The following INPP5F variants were observed in gnomAD, a reference collection of about 807,000 sequenced individuals.
INPP5F encodes the protein inositol polyphosphate-5-phosphatase F, also known as phosphatidylinositide 4-phosphatase SAC2.
Under a neutral mutation model 137.2 loss-of-function variants are expected in INPP5F, and 97 were observed. That is an observed-to-expected ratio of 0.71 (90% CI 0.60 to 0.84). The LOEUF (loss-of-function observed/expected upper bound fraction) is 0.84. Among genes scored for constraint, INPP5F ranks in the 40% least tolerant of loss-of-function variants. The pLI is 0.00. For missense variants in INPP5F, 1,271 were observed against 1,371.9 expected, an observed-to-expected ratio of 0.93 and a Z score of 1.16; for synonymous variants, 504 against 476.9, an observed-to-expected ratio of 1.06 and a Z score of -0.74.
At chr10:119,817,206 A>G (rs1230249080) in intron 15 of INPP5F, among the ~76,000 whole-genome samples, 1 of 152,234 alleles carries the variant, frequency 6.6e-6, no homozygotes, top group Non-Finnish European at 1.5e-5. Flanking sequence ...GTATTTCATT[A>G]TAGACCACAT....
intron 2 of INPP5F, among the ~76,000 whole-genome samples, chr10:119,780,861 G>T (rs1849676691): frequency 6.6e-6 from 1 of 152,148 alleles, no homozygotes; most frequent in Non-Finnish European, 1.5e-5. Flanking sequence ...GATGTGCATA[G>T]GTTATATACA....
At chr10:119,797,894 C>G (rs917223555) in intron 8 of INPP5F, among the ~76,000 whole-genome samples, 1 of 152,140 alleles carries the variant, frequency 6.6e-6, no homozygotes, top group African/African-American at 2.4e-5. Context: ...AAATTGCTAT[C>G]GCTTTGAAGA....
Position 119,726,292 on chromosome 10 carries a change from C to T in INPP5F, c.30C>T (p.Tyr10=). 1 of 1,492,350 alleles carries T rather than the reference C, an allele frequency of 6.7e-7. No individual in the cohort carries two copies. The highest frequency in any genetic ancestry group is 8.9e-7 in the Non-Finnish European group (1 of 1,120,522). 92.4% of individuals were successfully genotyped at this position (1,492,350 alleles called of 1,614,324 possible). Residue 10 remains tyrosine, a synonymous_variant, in exon 1 of 20, where the codon TAC becomes TAT. Transcript: ENST00000650623. The part of the protein sequence containing the change: MELFQAKDH[Y]ILQQGERALW... ...AGCTCTTCCAAGCCAAGGACCACTA[C>T]ATCCTGCAGCAGGGCGAGCGCGCGC...
rs921016206 is a variant in INPP5F, at chr10:119,823,974, G to A, written c.2249+72G>A. The A allele has an allele frequency of 3.5e-5, 39 of 1,130,384 alleles. No individual in the cohort carries two copies. In the Admixed American group the frequency reaches 7.2e-4, roughly 21 times the overall value. The allele number at this position is 1,130,384 out of a possible 1,614,324, so 70.0% of individuals were successfully genotyped here. A position where few individuals can be genotyped will look rare whatever the true frequency, so the allele number is the denominator to read the frequency against. On this transcript the variant is annotated intron_variant, in intron 19 of 19. Coordinates refer to ENST00000650623, the MANE Select transcript of INPP5F (RefSeq NM_014937.4). The stretch of plus-strand genomic sequence containing the variant: ...TCTTATTTGTTTAAAATTATTTGCA[G>A]GGGGAAAGGGGAGGAGATCACATTA...
intron 2 of INPP5F, among the ~76,000 whole-genome samples, chr10:119,757,043 G>T (rs1275093610): frequency 6.6e-6 from 1 of 151,312 alleles, no homozygotes; most frequent in Non-Finnish European, 1.5e-5. Context: ...TCTGACTTTG[G>T]TTTGACCAGT....
Position 119,748,882 on chromosome 10 carries a change from G to A in INPP5F, c.98-2194G>A, listed in dbSNP as rs1848614403. The stretch of plus-strand genomic sequence containing the variant: ...CCTGTGATCTGCCCCTTTCTGGACA[G>A]GAACCTGTGTCTGTCTCCCTCCACT... On this transcript the variant is annotated intron_variant, in intron 1 of 19. Coordinates refer to ENST00000650623, the MANE Select transcript of INPP5F (RefSeq NM_014937.4). The surrounding 1 kb of genome is among the most constrained non-coding windows in gnomAD (Gnocchi z 4.7). Among the ~76,000 whole-genome samples, 1 of 152,188 alleles carries A rather than the reference G, an allele frequency of 6.6e-6. No homozygotes were observed. Among genetic ancestry groups the A allele is most frequent in the Non-Finnish European group, 1.5e-5 (1 of 68,022 alleles).
At chr10:119,811,080 G>A (rs192635872) in intron 14 of INPP5F, among the ~76,000 whole-genome samples, 2 of 152,260 alleles carry the variant, frequency 1.3e-5, no homozygotes, top group Admixed American at 6.5e-5. Context: ...ACTTCCATTC[G>A]TTGACCTAGC....
intron 2 of INPP5F, among the ~76,000 whole-genome samples, chr10:119,764,495 C>T (rs774542616): frequency 2.6e-4 from 40 of 152,124 alleles, no homozygotes; most frequent in Non-Finnish European, 5.3e-4. Context: ...CCTCAGCTTA[C>T]TTAACATGAA....
chr10:119,746,060 A>C lies in INPP5F; in HGVS notation c.98-5016A>C, dbSNP rs190479534. Among the ~76,000 whole-genome samples, 72 of 152,188 alleles carry C rather than the reference A, an allele frequency of 4.7e-4. 1 individual carries two copies. The highest frequency in any genetic ancestry group is 1.7e-3 in the African/African-American group (69 of 41,492). ...GTTGGCCTTAGTTTACTTTTCTAGC[A>C]TTATCAATTCATATCTCCAGTGTAC... On this transcript the variant is annotated intron_variant, in intron 1 of 19. Coordinates refer to ENST00000650623, the MANE Select transcript of INPP5F (RefSeq NM_014937.4).
At chr10:119,800,508 C>T (rs1311309833) in intron 9 of INPP5F, among the ~76,000 whole-genome samples, 1 of 147,362 alleles carries the variant, frequency 6.8e-6, no homozygotes, top group African/African-American at 2.5e-5. Flanking sequence ...TGCAGTAAGC[C>T]AAGGTTGCGC....
chr10:119,754,934 T>TGG (rs1448660426), intron 2 of INPP5F, among the ~76,000 whole-genome samples: 1 of 152,208 alleles, frequency 6.6e-6, no homozygotes, highest in East Asian at 1.9e-4. Flanking sequence ...ATCTTATCTT[T>TGG]GGAGGATAGG....
At chr10:119,765,995 T>A (rs540097219) in intron 2 of INPP5F, among the ~76,000 whole-genome samples, 11 of 152,048 alleles carry the variant, frequency 7.2e-5, no homozygotes, top group African/African-American at 2.4e-4. Flanking sequence ...TTATGGAGGC[T>A]GCCATCTGCA....
chr10:119,825,301 T>A (rs1234325180), intron 19 of INPP5F, among the ~76,000 whole-genome samples: 1 of 152,224 alleles, frequency 6.6e-6, no homozygotes, highest in African/African-American at 2.4e-5. Context: ...GGTATTTCAC[T>A]TGTCCCTAAC....
intron 1 of INPP5F, among the ~76,000 whole-genome samples, chr10:119,743,291 A>T (rs914141131): frequency 6.6e-6 from 1 of 152,074 alleles, no homozygotes; most frequent in Non-Finnish European, 1.5e-5. Flanking sequence ...ATGTTTACCT[A>T]TCCATTTGGG....
intron 15 of INPP5F, chr10:119,815,971 G>A (rs1366310044): frequency 6.6e-6 from 1 of 152,442 alleles, no homozygotes; most frequent in African/African-American, 2.4e-5. Context: ...TTCCTTTGAA[G>A]GTTGGGGACA....
rs533004518 is a variant in INPP5F at position 119,794,413 on chromosome 10, C to G, written c.669+2200C>G. ...GAACAAAATGAAAAGTCTCCCACGT[C>G]TACCTCTTTCTACACAGACACGGCA... On this transcript the variant is annotated intron_variant, in intron 6 of 19. Coordinates refer to ENST00000650623, the MANE Select transcript of INPP5F (RefSeq NM_014937.4). Among the ~76,000 whole-genome samples the G allele has an allele frequency of 2.0e-5, 3 of 152,272 alleles. No individual in the cohort carries two copies. In the South Asian group the frequency reaches 6.2e-4, roughly 32 times the overall value.
intron 15 of INPP5F, among the ~76,000 whole-genome samples, chr10:119,813,723 AC>A (rs1851141199): frequency 6.6e-6 from 1 of 152,210 alleles, no homozygotes; most frequent in Non-Finnish European, 1.5e-5. Flanking sequence ...CTGGCTGGGC[AC>A]AGTAGCTCAC....
rs537454471 is a variant in INPP5F, at chr10:119,810,315, A to T, written c.1687+98A>T. On this transcript the variant is annotated intron_variant, in intron 14 of 19. Transcript: ENST00000650623. ...TCATTAACATAATTCATATTTTGTA[A>T]TATACTTGTGTTTCTGTATTGAGCA... 36 of 658,758 alleles carry T rather than the reference A, an allele frequency of 5.5e-5. No homozygotes were observed. The South Asian group carries it at 6.3e-4, about 12-fold the overall frequency. 40.8% of individuals were successfully genotyped at this position (658,758 alleles called of 1,614,324 possible). A position where few individuals can be genotyped will look rare whatever the true frequency, so the allele number is the denominator to read the frequency against.
Position 119,823,155 on chromosome 10 carries a change from A to T in INPP5F, c.2117A>T (p.His706Leu). 7.4e-6 allele frequency: 12 copies of T among 1,614,098 alleles called. No homozygotes were observed. The highest frequency in any genetic ancestry group is 1.0e-5 in the Non-Finnish European group (12 of 1,179,986). ...TACAAAGAAGCGAGTGGCTATTTCC[A>T]CACATTGCGAGCTGTAATGCGTAAT... is the stretch of plus-strand genomic sequence containing the variant. ...YRYKEASGYF[H>L]TLRAVMRNPE... Residue 706 changes from histidine to leucine, a missense_variant, in exon 18 of 20, where the codon CAC becomes CTC. Coordinates refer to ENST00000650623, the MANE Select transcript of INPP5F (RefSeq NM_014937.4).
Sources: allele counts gnomAD v4.1 joint callset (sites outside exome capture counted in the v4.1 genomes callset), GRCh38; gene constraint gnomAD v4.1.1; non-coding constraint Gnocchi (gnomAD v3.1); transcripts MANE v1.5; gene names NCBI Gene and HGNC (gene_info 2026-07-23, HGNC 2026-07-21).